CEP83: variants seen among roughly 807,000 people sequenced by gnomAD.
The protein encoded by CEP83 is centrosomal protein 83.
CEP83 carries 70 observed loss-of-function variants against 101.9 expected under a neutral mutation model. That is an observed-to-expected ratio of 0.69 (90% CI 0.57 to 0.84). The LOEUF is 0.84. CEP83 is among the 40% of genes least tolerant of loss of function. CEP83 has a pLI of 0.00. For synonymous variants in CEP83, 264 were observed against 267.9 expected, an observed-to-expected ratio of 0.99 and a Z score of 0.14; for missense variants, 715 against 787.2, an observed-to-expected ratio of 0.91 and a Z score of 1.10.
chr12:94,316,478 A>ACATGTGCAGGTTTGTTTTATAGGTAAACT (rs60113364), intron 14 of CEP83, among the ~76,000 whole-genome samples: 34,558 of 150,902 alleles, frequency 0.23, 4,003 homozygotes, highest in Admixed American at 0.28. Flanking sequence ...GCTCAGAGGT[A>ACATGTGCAGGTTTGTTTTATAGGTAAACT]CATGTGCAGG....
intron 4 of CEP83, among the ~76,000 whole-genome samples, chr12:94,407,508 C>G (rs2063615933): frequency 6.6e-6 from 1 of 152,184 alleles, no homozygotes; most frequent in Admixed American, 6.5e-5. Context: ...TTGGAAACAA[C>G]AGTGCTTTAA....
intron 2 of CEP83, among the ~76,000 whole-genome samples, chr12:94,425,387 C>T (rs2065118558): frequency 6.6e-6 from 1 of 152,182 alleles, no homozygotes; most frequent in Non-Finnish European, 1.5e-5. Flanking sequence ...CAGATCATGC[C>T]TCCAGTACCA....
At chr12:94,376,740 TATATATA>T (rs765422631) in intron 7 of CEP83, among the ~76,000 whole-genome samples, 47 of 114,230 alleles carry the variant, frequency 4.1e-4, no homozygotes, top group Admixed American at 5.9e-4. Flanking sequence ...CACATATATA[TATATATA>T]TTTTTTTTTT....
At chr12:94,423,231 T>C (rs2064905812) in intron 2 of CEP83, among the ~76,000 whole-genome samples, 1 of 152,086 alleles carries the variant, frequency 6.6e-6, no homozygotes, top group South Asian at 2.1e-4. Flanking sequence ...ATTACAGGCA[T>C]GTGCCAGCAC....
rs1215630382 is a variant in CEP83 at position 94,308,007 on chromosome 12, C to T, written c.*806G>A. The T allele has an allele frequency of 2.0e-5, 3 of 151,988 alleles. No homozygotes were observed. The highest frequency in any genetic ancestry group is 7.3e-5 in the African/African-American group (3 of 41,370). The allele number at this position is 151,988 out of a possible 1,614,324, so 9.4% of individuals were successfully genotyped here. ...AAAGATGTCACATTAAAAAGGCTTC[C>T]AATGGGTGTAGACCAAAAAAAATGA... is the stretch of plus-strand genomic sequence containing the variant. On this transcript the variant is annotated 3_prime_UTR_variant, in exon 17 of 17. Coordinates refer to ENST00000397809, the MANE Select transcript of CEP83 (RefSeq NM_016122.3).
intron 8 of CEP83, among the ~76,000 whole-genome samples, chr12:94,371,136 CG>C (rs2061285132): frequency 6.6e-6 from 1 of 152,056 alleles, no homozygotes; most frequent in African/African-American, 2.4e-5. Flanking sequence ...TGTAGAGCAC[CG>C]GAAGATGTGA....
Position 94,437,022 on chromosome 12 carries a change from C to T in CEP83, c.-154-1695G>A, listed in dbSNP as rs549460546. Among the ~76,000 whole-genome samples, 7 of 152,012 alleles carry T rather than the reference C, an allele frequency of 4.6e-5. No individual in the cohort carries two copies. In the East Asian group the frequency reaches 9.7e-4, roughly 21 times the overall value. On this transcript the variant is annotated intron_variant, in intron 1 of 16. Transcript: ENST00000397809. ...AGGGAATAATTGAGGAAAACTTCCCCGGTTTTGATAGATATCTAGACATCC... is the reference window on the plus strand; with the variant it reads ...AGGGAATAATTGAGGAAAACTTCCCTGGTTTTGATAGATATCTAGACATCC...
intron 15 of CEP83, 105 bp from the exon 16 acceptor site, chr12:94,310,212 C>T (rs1486244157): frequency 2.2e-6 from 1 of 460,274 alleles, no homozygotes; most frequent in Non-Finnish European, 3.8e-6. Flanking sequence ...ATTATGAGAT[C>T]TATATATAAT....
At chr12:94,272,541 C>T in the CEP83 span, among the ~76,000 whole-genome samples, 1 of 152,232 alleles carries the variant, frequency 6.6e-6, no homozygotes, top group Non-Finnish European at 1.5e-5. Flanking sequence ...CTCCCAGTGC[C>T]TCCTGGCCCT....
intron 2 of CEP83, among the ~76,000 whole-genome samples, chr12:94,433,407 G>A (rs1268174079): frequency 3.3e-5 from 5 of 152,068 alleles, no homozygotes; most frequent in Admixed American, 6.6e-5. Context: ...GAAGCCAGGC[G>A]CAGTGGCTCA....
chr12:94,270,549 T>C, the CEP83 span, among the ~76,000 whole-genome samples: 1 of 152,238 alleles, frequency 6.6e-6, no homozygotes, highest in East Asian at 1.9e-4. Flanking sequence ...TATTTACAAG[T>C]CTGAAACTCA....
rs111450813 is a variant in CEP83 at position 94,362,412 on chromosome 12, G to C, written c.1343+5382C>G. Among the ~76,000 whole-genome samples the C allele has an allele frequency of 9.4e-3, 1,424 of 152,278 alleles. 18 individuals carry two copies. The highest frequency in any genetic ancestry group is 0.013 in the Non-Finnish European group (861 of 68,016). On this transcript the variant is annotated intron_variant, in intron 11 of 16. Coordinates refer to ENST00000397809, the MANE Select transcript of CEP83 (RefSeq NM_016122.3). ...AGGCAGGTGGATCACTTGAGGTCAA[G>C]AGTTGGAGACCAGCCTGGCCAACAC...
At chr12:94,339,708 A>C (rs2059599022) in intron 11 of CEP83, among the ~76,000 whole-genome samples, 1 of 152,246 alleles carries the variant, frequency 6.6e-6, no homozygotes, top group South Asian at 2.1e-4. Flanking sequence ...TGAGAATGGC[A>C]GTAGCCTTCT....
At chr12:94,289,351 G>C in the CEP83 span, among the ~76,000 whole-genome samples, 1 of 152,310 alleles carries the variant, frequency 6.6e-6, no homozygotes, top group South Asian at 2.1e-4. Context: ...TTGATGATTG[G>C]AGGGGAATCG....
intron 9 of CEP83, chr12:94,369,418 C>CACTCCAGCCAGGGGGACAGAGCGAG (rs2061186566): frequency 1.3e-5 from 2 of 152,372 alleles, no homozygotes; most frequent in African/African-American, 4.8e-5. Flanking sequence ...CACGCCACTG[C>CACTCCAGCCAGGGGGACAGAGCGAG]ACTCCAGCCA....
At chr12:94,432,263 C>T (rs1013603421) in intron 2 of CEP83, among the ~76,000 whole-genome samples, 2 of 151,776 alleles carry the variant, frequency 1.3e-5, no homozygotes, top group African/African-American at 4.8e-5. Context: ...AGGGTTTCAC[C>T]GTTTTAGCCA....
chr12:94,434,232 T>C (rs976916380), intron 2 of CEP83, among the ~76,000 whole-genome samples: 4 of 152,232 alleles, frequency 2.6e-5, no homozygotes, highest in African/African-American at 9.6e-5. Context: ...TGAGCTATTT[T>C]ATTTTTTCCT....
At chr12:94,366,610 G>C (rs2061040434) in intron 11 of CEP83, among the ~76,000 whole-genome samples, 1 of 152,112 alleles carries the variant, frequency 6.6e-6, no homozygotes, top group African/African-American at 2.4e-5. Flanking sequence ...GTAAACTCAA[G>C]ATTATTAATA....
chr12:94,328,650 A>G lies in CEP83; in HGVS notation c.1707+3050T>C, dbSNP rs185199003. Among the ~76,000 whole-genome samples, 407 of 152,354 alleles carry G rather than the reference A, an allele frequency of 2.7e-3. 1 individual carries two copies. Among genetic ancestry groups the G allele is most frequent in the African/African-American group, 9.0e-3 (373 of 41,584 alleles). ...ATGGTCAAATAGAAGCATTATCTTT[A>G]ACTTGAATGGGAAAAGGGTATGAGT... On this transcript the variant is annotated intron_variant, in intron 14 of 16. Coordinates refer to ENST00000397809, the MANE Select transcript of CEP83 (RefSeq NM_016122.3).
Sources: allele counts gnomAD v4.1 joint callset (sites outside exome capture counted in the v4.1 genomes callset), GRCh38; gene constraint gnomAD v4.1.1; transcripts MANE v1.5; gene names NCBI Gene and HGNC (gene_info 2026-07-23, HGNC 2026-07-21).